The following AFF3 variants were observed in gnomAD, a reference collection of about 807,000 sequenced individuals.
The protein encoded by AFF3 is ALF transcription elongation factor 3.
A neutral mutation model predicts 129.7 loss-of-function variants in AFF3; 32 were observed. That is an observed-to-expected ratio of 0.25 (90% CI 0.19 to 0.33). AFF3 has a LOEUF of 0.33. Among genes scored for constraint, AFF3 ranks in the 10% least tolerant of loss-of-function variants. The probability of loss-of-function intolerance (pLI) is 1.00; values close to 1 mark genes in which losing one functional copy is unlikely to be tolerated. For synonymous variants in AFF3, 644 were observed against 635.4 expected (o/e 1.01, Z -0.20); for missense variants, 1,373 against 1,592.0 (o/e 0.86, Z 2.34).
intron 7 of AFF3, among the ~76,000 whole-genome samples, chr2:99,956,867 T>C (rs943875752): frequency 6.6e-6 from 1 of 152,190 alleles, no homozygotes; most frequent in Non-Finnish European, 1.5e-5. Context: ...GTTGCTGCCG[T>C]GACTGAAGAG....
At chr2:100,140,676 G>A (rs537940154) in intron 1 of AFF3, among the ~76,000 whole-genome samples, 189 of 152,266 alleles carry the variant, frequency 1.2e-3, no homozygotes, top group Admixed American at 2.4e-3. Context: ...GGATGTCACC[G>A]TTCCATGTGC....
At position 99,996,158 on chromosome 2, in the gene AFF3, A is replaced by ATGCT. The variant is rs200728714; in HGVS notation, c.873+10470_873+10473dup. 7.7e-3 allele frequency among the ~76,000 whole-genome samples: 1,175 copies of ATGCT among 152,332 alleles called. 14 individuals carry two copies. The highest frequency in any genetic ancestry group is 0.027 in the African/African-American group (1,132 of 41,578). On this transcript the variant is annotated intron_variant, in intron 7 of 24. Coordinates refer to ENST00000672756, the MANE Select transcript of AFF3 (RefSeq NM_001386135.1). ...CACTGAAGTTGTCCAAATAAATGAG[A>ATGCT]TGCTGAACCACTAAAGACCAAGTAT... is the stretch of plus-strand genomic sequence containing the variant.
chr2:99,782,762 T>C (rs1021599315), intron 8 of AFF3, among the ~76,000 whole-genome samples: 1 of 152,240 alleles, frequency 6.6e-6, no homozygotes, highest in African/African-American at 2.4e-5. Flanking sequence ...ACAAGACTTC[T>C]GCAGGTAACA....
chr2:99,609,853 C>T (rs1486636250), intron 13 of AFF3, among the ~76,000 whole-genome samples: 1 of 152,108 alleles, frequency 6.6e-6, no homozygotes, highest in East Asian at 1.9e-4. Flanking sequence ...GATTGTCAGG[C>T]CTCTGAGCCC....
intron 4 of AFF3, among the ~76,000 whole-genome samples, chr2:100,052,837 C>T (rs1476270883): frequency 6.6e-6 from 1 of 152,212 alleles, no homozygotes. Flanking sequence ...CACATTTCCT[C>T]CAGCCGCCTT....
At chr2:100,029,303 C>T (rs1684295603) in intron 4 of AFF3, among the ~76,000 whole-genome samples, 1 of 152,080 alleles carries the variant, frequency 6.6e-6, no homozygotes, top group Admixed American at 6.5e-5. Context: ...CATAGAGGGG[C>T]AACAGGGATG....
chr2:100,070,501 T>G (rs936162026), intron 4 of AFF3, among the ~76,000 whole-genome samples: 1 of 152,226 alleles, frequency 6.6e-6, no homozygotes, highest in African/African-American at 2.4e-5. Context: ...CACACTGTGA[T>G]TCTCCTGAAT....
At chr2:99,846,368 G>C (rs550731378) in intron 7 of AFF3, among the ~76,000 whole-genome samples, 1 of 152,324 alleles carries the variant, frequency 6.6e-6, no homozygotes, top group East Asian at 1.9e-4. Flanking sequence ...GACCTCAGGT[G>C]ATCTGCCCGC....
intron 16 of AFF3, among the ~76,000 whole-genome samples, chr2:99,583,417 C>T (rs914320938): frequency 6.6e-6 from 1 of 152,188 alleles, no homozygotes; most frequent in Non-Finnish European, 1.5e-5. Flanking sequence ...GGATCTGGCT[C>T]TGCTGCCCAG....
At chr2:99,858,925 T>C (rs1690754913) in intron 7 of AFF3, among the ~76,000 whole-genome samples, 2 of 152,212 alleles carry the variant, frequency 1.3e-5, no homozygotes, top group South Asian at 2.1e-4. Context: ...AAAACAAATG[T>C]TGTTCTAAGC....
intron 7 of AFF3, among the ~76,000 whole-genome samples, chr2:99,945,695 T>C (rs1271300301): frequency 6.6e-6 from 1 of 152,228 alleles, no homozygotes; most frequent in African/African-American, 2.4e-5. Context: ...CAGCTTCTTG[T>C]GGACTTTATA....
At chr2:99,870,980 C>CT (rs908575646) in intron 7 of AFF3, among the ~76,000 whole-genome samples, 20 of 152,168 alleles carry the variant, frequency 1.3e-4, no homozygotes, top group African/African-American at 4.8e-4. Context: ...ACAGATTGCA[C>CT]ATCCCTAATC....
intron 7 of AFF3, among the ~76,000 whole-genome samples, chr2:99,859,090 A>G (rs961415815): frequency 3.9e-5 from 6 of 152,234 alleles, no homozygotes; most frequent in African/African-American, 1.2e-4. Flanking sequence ...TGTCATAAGC[A>G]CAGTGCTAAA....
At chr2:99,870,378 G>T (rs1336717181) in intron 7 of AFF3, among the ~76,000 whole-genome samples, 4 of 152,232 alleles carry the variant, frequency 2.6e-5, no homozygotes, top group African/African-American at 9.6e-5. Context: ...CTGCAGCCAC[G>T]TAGGCCCCTT....
At chr2:99,843,314 C>T (rs1054027050) in intron 7 of AFF3, among the ~76,000 whole-genome samples, 4 of 152,192 alleles carry the variant, frequency 2.6e-5, no homozygotes, top group Admixed American at 2.6e-4. Flanking sequence ...TAACCTGTAC[C>T]ATCCCCTGTC....
At chr2:99,856,695 C>T (rs1035921952) in intron 7 of AFF3, among the ~76,000 whole-genome samples, 5 of 152,218 alleles carry the variant, frequency 3.3e-5, no homozygotes, top group Admixed American at 6.5e-5. Context: ...AACCTTCTGG[C>T]GCCTAATCCT....
chr2:99,978,809 T>G (rs1418541996), intron 7 of AFF3, among the ~76,000 whole-genome samples: 1 of 152,222 alleles, frequency 6.6e-6, no homozygotes, highest in African/African-American at 2.4e-5. Flanking sequence ...TAAGATGTTA[T>G]CTATGCGGGC....
chr2:100,112,683 C>T (rs2105532791), intron 2 of AFF3, among the ~76,000 whole-genome samples: 1 of 152,188 alleles, frequency 6.6e-6, no homozygotes, highest in East Asian at 1.9e-4. Flanking sequence ...GAGTGAGACC[C>T]TGTCTCCAAT....
At position 99,701,265 on chromosome 2, in the gene AFF3, C is replaced by T. The variant is rs561981280; in HGVS notation, c.1091+25812G>A. Among the ~76,000 whole-genome samples, 22 of 152,106 alleles carry T rather than the reference C, an allele frequency of 1.4e-4. 2 individuals are homozygous for T. In the South Asian group the frequency reaches 3.5e-3, roughly 24 times the overall value. On this transcript the variant is annotated intron_variant, in intron 11 of 24. Coordinates refer to ENST00000672756, the MANE Select transcript of AFF3 (RefSeq NM_001386135.1). ...ATGGCACACCAAAGTGAGGTGTGGT[C>T]GTGCAGACAGAAAAAGCAAGGGCCT... is the stretch of plus-strand genomic sequence containing the variant.
Sources: gnomAD v4.1 joint callset for allele counts (sites outside exome capture counted in the v4.1 genomes callset) on GRCh38, gnomAD v4.1.1 for gene constraint, MANE v1.5 for transcripts, NCBI Gene and HGNC (gene_info 2026-07-23, HGNC 2026-07-21) for gene names.